The following CEP128 variants were observed in gnomAD, a reference collection of about 807,000 sequenced individuals.
CEP128 encodes centrosomal protein 128kDa.
In CEP128, 132 loss-of-function variants were observed where a neutral mutation model predicts 156.7. The observed-to-expected ratio is 0.84, with a 90% confidence interval of 0.73 to 0.97. CEP128 has a LOEUF of 0.97. CEP128 is among the 50% of genes least tolerant of loss of function. The pLI is 0.00. For missense variants in CEP128, 1,252 were observed against 1,281.9 expected (o/e 0.98, Z 0.36); for synonymous variants, 469 against 448.9 (o/e 1.04, Z -0.57).
In CEP128 at chr14:80,900,047, C is replaced by T. The variant is rs769795513; in HGVS notation, c.481-18G>A. The stretch of plus-strand genomic sequence containing the variant: ...CCATGAAGCTAGCAAAGGCAAAACA[C>T]AGTTATCCATTTAGAATTCTGTTGA... On this transcript the variant is annotated intron_variant, in intron 6 of 24. Coordinates refer to ENST00000555265, the MANE Select transcript of CEP128 (RefSeq NM_152446.5). 1.4e-5 allele frequency: 21 copies of T among 1,525,134 alleles called. No homozygotes were observed. In the South Asian group the frequency reaches 2.2e-4, roughly 16 times the overall value. 94.5% of individuals were successfully genotyped at this position (1,525,134 alleles called of 1,614,324 possible).
chr14:80,821,938 G>A (rs1211079876), intron 13 of CEP128, among the ~76,000 whole-genome samples: 1 of 63,540 alleles, frequency 1.6e-5, no homozygotes, highest in East Asian at 6.8e-4. Flanking sequence ...CAGGCACGCA[G>A]ACAAGAGAAA....
chr14:80,919,621 T>A (rs1884743040), intron 2 of CEP128, among the ~76,000 whole-genome samples: 1 of 152,116 alleles, frequency 6.6e-6, no homozygotes, highest in African/African-American at 2.4e-5. Context: ...CACACTGCAC[T>A]GAATTGATAA....
intron 8 of CEP128, among the ~76,000 whole-genome samples, chr14:80,880,915 G>C (rs1045289011): frequency 1.5e-5 from 2 of 135,136 alleles, no homozygotes; most frequent in Non-Finnish European, 3.1e-5. Context: ...AATAATTTCA[G>C]TAAAGGATAC....
chr14:80,729,127 G>GTGTGTGT (rs1222842349), intron 19 of CEP128, among the ~76,000 whole-genome samples: 5 of 115,036 alleles, frequency 4.3e-5, no homozygotes, highest in African/African-American at 1.5e-4. Context: ...GTGTGTGTGT[G>GTGTGTGT]TTTACCCAGT....
At chr14:80,684,099 G>A (rs538378830) in intron 19 of CEP128, among the ~76,000 whole-genome samples, 223 of 152,036 alleles carry the variant, frequency 1.5e-3, no homozygotes, top group African/African-American at 5.2e-3. Context: ...AAATCAGAAC[G>A]GAACTGAATG....
chr14:80,670,487 G>A (rs1895795300), intron 19 of CEP128, among the ~76,000 whole-genome samples: 1 of 152,130 alleles, frequency 6.6e-6, no homozygotes, highest in Non-Finnish European at 1.5e-5. Context: ...CAGAAACATG[G>A]ATGGAATGGG....
chr14:80,565,817 T>A (rs1345240761), intron 20 of CEP128, among the ~76,000 whole-genome samples: 1 of 152,194 alleles, frequency 6.6e-6, no homozygotes, highest in African/African-American at 2.4e-5. Flanking sequence ...CAGAGATGAA[T>A]TAGAAACTTA....
chr14:80,718,361 G>T (rs1897687376), intron 19 of CEP128, among the ~76,000 whole-genome samples: 1 of 152,090 alleles, frequency 6.6e-6, no homozygotes, highest in African/African-American at 2.4e-5. Flanking sequence ...CTTTCAAAGT[G>T]GTGACTCAGA....
chr14:80,671,590 C>T (rs1895843225), intron 19 of CEP128, among the ~76,000 whole-genome samples: 1 of 152,124 alleles, frequency 6.6e-6, no homozygotes, highest in Non-Finnish European at 1.5e-5. Context: ...AATCTCTTTT[C>T]TCTGTCAAGG....
At chr14:80,593,562 A>AG (rs998806959) in intron 19 of CEP128, among the ~76,000 whole-genome samples, 12 of 150,796 alleles carry the variant, frequency 8.0e-5, no homozygotes, top group Non-Finnish European at 8.9e-5. Context: ...AAAAAAAAAA[A>AG]AAAGAAAACC....
intron 20 of CEP128, among the ~76,000 whole-genome samples, chr14:80,578,994 T>C (rs917678837): frequency 6.6e-6 from 1 of 152,190 alleles, no homozygotes; most frequent in African/African-American, 2.4e-5. Context: ...TAGAAAATGC[T>C]GCCAGTATTT....
intron 8 of CEP128, among the ~76,000 whole-genome samples, chr14:80,888,364 T>TG (rs1293619475): frequency 1.3e-5 from 2 of 152,176 alleles, no homozygotes; most frequent in African/African-American, 4.8e-5. Context: ...TGATGAACGT[T>TG]GATGCGAAAA....
At chr14:80,884,376 G>A (rs1335502744) in intron 8 of CEP128, among the ~76,000 whole-genome samples, 2 of 152,192 alleles carry the variant, frequency 1.3e-5, no homozygotes, top group African/African-American at 2.4e-5. Flanking sequence ...CAAGATGGCT[G>A]AATAAGAACA....
intron 13 of CEP128, among the ~76,000 whole-genome samples, chr14:80,823,221 G>A (rs1226638325): frequency 2.0e-5 from 3 of 152,228 alleles, no homozygotes; most frequent in Non-Finnish European, 4.4e-5. Flanking sequence ...GGTTACCAAT[G>A]TGTCAGGCAA....
intron 2 of CEP128, among the ~76,000 whole-genome samples, chr14:80,927,775 C>T (rs987814722): frequency 6.6e-6 from 1 of 152,230 alleles, no homozygotes; most frequent in Non-Finnish European, 1.5e-5. Flanking sequence ...TTAGTTGTAG[C>T]TGTTTTTCAC....
Position 80,497,521 on chromosome 14 carries a change from A to G in CEP128, c.3243T>C (p.Asn1081=). 6.2e-7 allele frequency: 1 copy of G among 1,613,486 alleles called. No homozygotes were observed. The highest frequency in any genetic ancestry group is 8.5e-7 in the Non-Finnish European group (1 of 1,179,630). Residue 1081 remains asparagine (N), a synonymous_variant, in exon 25 of 25, where the codon AAT becomes AAC. Transcript: ENST00000555265. ...CTTTTTTGGGTTGTGAACTTGTTCC[A>G]TTCATTGTGGCATCTTCCTTGTTTG... The part of the protein sequence containing the change: ...SASNKEDATM[N]GTSSQPKKEE...
At position 80,826,105 on chromosome 14, in the gene CEP128, C is replaced by CAAA. The variant is rs397700906; in HGVS notation, c.1209+5035_1209+5037dup. ...TGGGTGACAGAGCGAGATTCTGTCT[C>CAAA]AAAAAAAAAAAAAAAAAAAAACAGC... On this transcript the variant is annotated intron_variant, in intron 13 of 24. Coordinates refer to ENST00000555265, the MANE Select transcript of CEP128 (RefSeq NM_152446.5). Among the ~76,000 whole-genome samples the CAAA allele has an allele frequency of 4.8e-3, 334 of 70,294 alleles. 8 individuals are homozygous for CAAA. The highest frequency in any genetic ancestry group is 0.013 in the East Asian group (33 of 2,578). 46.1% of individuals were successfully genotyped at this position (70,294 alleles called of 152,430 possible).
At chr14:80,792,042 T>C (rs1341555445) in intron 14 of CEP128, among the ~76,000 whole-genome samples, 2 of 152,246 alleles carry the variant, frequency 1.3e-5, no homozygotes, top group Admixed American at 6.5e-5. Context: ...TCCTGCTTAT[T>C]ATCTTATAAA....
At chr14:80,539,772 C>T (rs113268103) in intron 21 of CEP128, among the ~76,000 whole-genome samples, 29,256 of 151,958 alleles carry the variant, frequency 0.19, 3,212 homozygotes, top group African/African-American at 0.29. Flanking sequence ...GGAGAGATAT[C>T]GCCAAGTTCT....
Sources: allele counts gnomAD v4.1 joint callset (sites outside exome capture counted in the v4.1 genomes callset), GRCh38; gene constraint gnomAD v4.1.1; transcripts MANE v1.5; gene names NCBI Gene and HGNC (gene_info 2026-07-23, HGNC 2026-07-21).